The following CNTN1 variants were observed in gnomAD, a reference collection of about 807,000 sequenced individuals.
The protein encoded by CNTN1 is contactin 1.
CNTN1 carries 38 observed loss-of-function variants against 126.4 expected under a neutral mutation model. That is an observed-to-expected ratio of 0.30 (90% CI 0.23 to 0.39). The LOEUF is 0.39. Ranked by LOEUF, CNTN1 falls within the 10% of genes least tolerant of loss-of-function variation. The probability of loss-of-function intolerance (pLI) is 1.00; values close to 1 mark genes in which losing one functional copy is unlikely to be tolerated. For missense variants in CNTN1, 1,009 were observed against 1,248.4 expected (o/e 0.81, Z 2.89); for synonymous variants, 413 against 422.6 (o/e 0.98, Z 0.28).
chr12:41,061,604 G>T (rs568625130), intron 23 of CNTN1, among the ~76,000 whole-genome samples: 35 of 152,252 alleles, frequency 2.3e-4, no homozygotes, highest in African/African-American at 7.0e-4. Flanking sequence ...TATCAACTTT[G>T]ATTAGCATAA....
At chr12:40,725,337 G>A (rs11178083) in intron 1 of CNTN1, among the ~76,000 whole-genome samples, 3,141 of 145,490 alleles carry the variant, frequency 0.022, 52 homozygotes, top group Non-Finnish European at 0.034. Flanking sequence ...AGAGGCAGAG[G>A]TTGCGGTGAG....
chr12:41,028,520 G>C (rs559075581), intron 22 of CNTN1, among the ~76,000 whole-genome samples: 8 of 152,130 alleles, frequency 5.3e-5, no homozygotes, highest in Non-Finnish European at 7.4e-5. Context: ...GAGAGAGAAC[G>C]AAACTATTTT....
At chr12:40,787,500 AC>A (rs1940069448) in intron 1 of CNTN1, among the ~76,000 whole-genome samples, 1 of 152,112 alleles carries the variant, frequency 6.6e-6, no homozygotes, top group Non-Finnish European at 1.5e-5. Context: ...GTTCCTCATC[AC>A]TTGTATTAGA....
At chr12:40,962,277 A>C (rs563080604) in intron 15 of CNTN1, among the ~76,000 whole-genome samples, 1 of 152,178 alleles carries the variant, frequency 6.6e-6, no homozygotes, top group East Asian at 1.9e-4. Flanking sequence ...GCATGTGTGC[A>C]CGCATTTGTA....
intron 1 of CNTN1, among the ~76,000 whole-genome samples, chr12:40,816,010 A>C (rs1039939416): frequency 2.0e-5 from 3 of 152,188 alleles, no homozygotes; most frequent in Non-Finnish European, 4.4e-5. Context: ...TGACTTGGTC[A>C]TGGTGGATAC....
chr12:41,043,212 C>T (rs1949459136), intron 23 of CNTN1, among the ~76,000 whole-genome samples: 1 of 152,078 alleles, frequency 6.6e-6, no homozygotes, highest in African/African-American at 2.4e-5. Flanking sequence ...AGTGAACAGG[C>T]AACCTACAAA....
At chr12:40,769,819 A>G (rs1164849542) in intron 1 of CNTN1, among the ~76,000 whole-genome samples, 1 of 152,202 alleles carries the variant, frequency 6.6e-6, no homozygotes, top group Non-Finnish European at 1.5e-5. Flanking sequence ...TTTAAAGGCA[A>G]TAATAAATTG....
chr12:40,807,517 A>G (rs1940904894), intron 1 of CNTN1, among the ~76,000 whole-genome samples: 2 of 152,220 alleles, frequency 1.3e-5, no homozygotes, highest in African/African-American at 2.4e-5. Flanking sequence ...CTGCTGCACC[A>G]AAGGCCAAAG....
intron 1 of CNTN1, among the ~76,000 whole-genome samples, chr12:40,724,079 T>A (rs1479958470): frequency 6.6e-6 from 1 of 152,180 alleles, no homozygotes; most frequent in Non-Finnish European, 1.5e-5. Flanking sequence ...GAGGCTGGAT[T>A]CATTATTATA....
chr12:41,016,269 T>C (rs1458401773), intron 18 of CNTN1, among the ~76,000 whole-genome samples: 8 of 152,006 alleles, frequency 5.3e-5, no homozygotes, highest in Non-Finnish European at 1.2e-4. Flanking sequence ...TTTGTTAGGG[T>C]TAAAGAAAAA....
At chr12:40,706,766 T>C (rs1941751736) in intron 1 of CNTN1, among the ~76,000 whole-genome samples, 1 of 152,214 alleles carries the variant, frequency 6.6e-6, no homozygotes, top group African/African-American at 2.4e-5. Flanking sequence ...TGATAATATA[T>C]GTGCTGTATA....
intron 14 of CNTN1, among the ~76,000 whole-genome samples, chr12:40,945,033 C>T (rs930048386): frequency 6.6e-5 from 10 of 152,026 alleles, no homozygotes; most frequent in African/African-American, 2.4e-4. Context: ...TTGATATGTA[C>T]ACATTATTAT....
At chr12:40,937,543 A>C in intron 10 of CNTN1, 27 bp from the exon 11 acceptor site, 1 of 1,373,314 alleles carries the variant, frequency 7.3e-7, no homozygotes, top group South Asian at 1.2e-5. Flanking sequence ...GTTCATTGAG[A>C]ATATGTTTCA....
Position 40,987,710 on chromosome 12 carries a change from C to G in CNTN1, c.1964-5410C>G, listed in dbSNP as rs569496842. Among the ~76,000 whole-genome samples, 3 of 152,228 alleles carry G rather than the reference C, an allele frequency of 2.0e-5. No homozygotes were observed. The South Asian group carries it at 6.2e-4, about 32-fold the overall frequency. On this transcript the variant is annotated intron_variant, in intron 16 of 23. Coordinates refer to ENST00000551295, the MANE Select transcript of CNTN1 (RefSeq NM_001843.4). Reference sequence around the variant, plus strand: ...AACATCTTTGCACATAAATGTTTCTCTATACTTTAGATTATTTCCCTAAAA... The same window carrying G: ...AACATCTTTGCACATAAATGTTTCTGTATACTTTAGATTATTTCCCTAAAA...
At position 40,966,675 on chromosome 12, in the gene CNTN1, A is replaced by C. The variant is rs1947319360; in HGVS notation, c.1804+7441A>C. ...ATTTGAAATTGTATTTTTCAATGCA[A>C]GTTCAGCGTAAATTGAGGTACACTC... On this transcript the variant is annotated intron_variant, in intron 15 of 23. Transcript: ENST00000551295. Among the ~76,000 whole-genome samples the C allele has an allele frequency of 2.0e-5, 3 of 152,180 alleles. No homozygotes were observed. In the South Asian group the frequency reaches 6.2e-4, roughly 32 times the overall value.
intron 1 of CNTN1, among the ~76,000 whole-genome samples, chr12:40,786,310 C>T (rs1940016118): frequency 6.6e-6 from 1 of 152,156 alleles, no homozygotes; most frequent in South Asian, 2.1e-4. Context: ...TCTTCAAAGC[C>T]AGCAACAGCT....
At chr12:40,975,873 T>C (rs1046996225) in intron 15 of CNTN1, among the ~76,000 whole-genome samples, 8 of 152,112 alleles carry the variant, frequency 5.3e-5, no homozygotes, top group African/African-American at 1.9e-4. Context: ...GCACAATTAG[T>C]GGTATCCACT....
chr12:41,021,046 T>G (rs1297759188), intron 20 of CNTN1, among the ~76,000 whole-genome samples: 1 of 152,148 alleles, frequency 6.6e-6, no homozygotes, highest in Non-Finnish European at 1.5e-5. Flanking sequence ...GTTAGGGTCT[T>G]TAATACAATG....
chr12:40,751,560 T>C lies in CNTN1; in HGVS notation c.-77+58968T>C, dbSNP rs147010342. Among the ~76,000 whole-genome samples the C allele has an allele frequency of 2.1e-3, 316 of 152,154 alleles. 2 individuals carry two copies. The highest frequency in any genetic ancestry group is 3.8e-3 in the Non-Finnish European group (260 of 67,974). Reference sequence around the variant, plus strand: ...AGAGCTAAGAGAAATTCACAAAGTGTTTAGATTACATCACAAGAGGAAACC... The same window carrying C: ...AGAGCTAAGAGAAATTCACAAAGTGCTTAGATTACATCACAAGAGGAAACC... On this transcript the variant is annotated intron_variant, in intron 1 of 23. Coordinates refer to ENST00000551295, the MANE Select transcript of CNTN1 (RefSeq NM_001843.4).
Sources: gnomAD v4.1 joint callset for allele counts (sites outside exome capture counted in the v4.1 genomes callset) on GRCh38, gnomAD v4.1.1 for gene constraint, MANE v1.5 for transcripts, NCBI Gene and HGNC (gene_info 2026-07-23, HGNC 2026-07-21) for gene names.